The following N4BP1 variants were observed in gnomAD, a reference collection of about 807,000 sequenced individuals.
N4BP1 encodes the protein NEDD4 binding protein 1, also known as NEDD4-binding protein 1.
N4BP1 carries 21 observed loss-of-function variants against 70.9 expected under a neutral mutation model. That is an observed-to-expected ratio of 0.30 (90% CI 0.21 to 0.43). The LOEUF (loss-of-function observed/expected upper bound fraction) is 0.43, where lower values mean the gene tolerates loss of function less well. Among genes scored for constraint, N4BP1 ranks in the 20% least tolerant of loss-of-function variants. N4BP1 has a pLI of 1.00. For missense variants in N4BP1, 936 were observed against 1,069.4 expected (o/e 0.88, Z 1.74); for synonymous variants, 387 against 394.6 (o/e 0.98, Z 0.23).
intron 1 of N4BP1, among the ~76,000 whole-genome samples, chr16:48,608,098 C>G (rs1430344159): frequency 6.6e-6 from 1 of 152,058 alleles, no homozygotes; most frequent in Admixed American, 6.5e-5. Context: ...CTGTCTCAAA[C>G]AGAAAAAAAT....
intron 1 of N4BP1, among the ~76,000 whole-genome samples, chr16:48,595,627 T>C (rs1964401322): frequency 6.6e-6 from 1 of 152,206 alleles, no homozygotes; most frequent in South Asian, 2.1e-4. Flanking sequence ...GTGATATAGT[T>C]ATTTACATAA....
chr16:48,561,286 G>A lies in N4BP1; in HGVS notation c.1357C>T (p.Pro453Ser), dbSNP rs780962229. The change falls in exon 2 of 7, where the codon CCA becomes TCA. Residue 453 changes from proline (P) to serine (S), a missense_variant. By Grantham distance (74) the Pro-to-Ser change is moderately conservative. Around this residue, in one of 4 missense-constraint regions of N4BP1, gnomAD observed 515 missense variants for 491.7 expected, o/e 1.05. Transcript: ENST00000262384. ...TTAATTCTACAATTTGAGGTACATG[G>A]TTTAGCTTCCACTTTGAATGGTAAC... is the stretch of plus-strand genomic sequence containing the variant. The part of the protein sequence containing the change: ...SQLPFKVEAK[P>S]CTSNCRINTF... The A allele has an allele frequency of 3.1e-6, 5 of 1,613,842 alleles. No homozygotes were observed. In the South Asian group the frequency reaches 4.4e-5, roughly 14 times the overall value.
chr16:48,594,173 G>A (rs1455310341), intron 1 of N4BP1, among the ~76,000 whole-genome samples: 4 of 152,208 alleles, frequency 2.6e-5, no homozygotes, highest in African/African-American at 7.2e-5. Flanking sequence ...AGGTGGCGGA[G>A]GGGGTGGTGT....
intron 1 of N4BP1, among the ~76,000 whole-genome samples, chr16:48,578,623 T>C (rs952288013): frequency 6.6e-6 from 1 of 152,202 alleles, no homozygotes; most frequent in Non-Finnish European, 1.5e-5. Context: ...ACTCCTCTGT[T>C]ACAGTACCAA....
chr16:48,563,020 T>G (rs1963883694), intron 1 of N4BP1, among the ~76,000 whole-genome samples: 1 of 152,134 alleles, frequency 6.6e-6, no homozygotes, highest in South Asian at 2.1e-4. Flanking sequence ...CTATATCCTG[T>G]ATGATTTTCT....
chr16:48,561,138 T>C lies in N4BP1; in HGVS notation c.1505A>G (p.Lys502Arg), dbSNP rs1255384532. The C allele has an allele frequency of 3.1e-6, 5 of 1,614,000 alleles. No homozygotes were observed. The highest frequency in any genetic ancestry group is 2.2e-5 in the South Asian group (2 of 91,088). The change falls in exon 2 of 7, where the codon AAA becomes AGA. Residue 502 changes from lysine to arginine, a missense_variant. Around this residue, in one of 4 missense-constraint regions of N4BP1, gnomAD observed 515 missense variants for 491.7 expected, o/e 1.05. Transcript: ENST00000262384. ...TCCCCTTGAAACAAAATTGACTTCT[T>C]TGGGACTTGGAGAGGCAACAGAAGG... ...LSPSVASPSP[K>R]EVNFVSRGAS...
intron 1 of N4BP1, among the ~76,000 whole-genome samples, chr16:48,580,016 A>T (rs1446754968): frequency 4.6e-5 from 7 of 152,146 alleles, no homozygotes; most frequent in Non-Finnish European, 1.0e-4. Context: ...TGTAAGGAAC[A>T]TCAACACACC....
At chr16:48,590,634 G>A (rs8054882) in intron 1 of N4BP1, among the ~76,000 whole-genome samples, 4,419 of 152,288 alleles carry the variant, frequency 0.029, 201 homozygotes, top group African/African-American at 0.098. Flanking sequence ...TGTCTCTACC[G>A]ACAGGGCACT....
chr16:48,600,355 T>C (rs946296633), intron 1 of N4BP1: 40 of 783,734 alleles, frequency 5.1e-5, no homozygotes, highest in Non-Finnish European at 8.6e-5. Flanking sequence ...GAGCTTACAC[T>C]GGATAATTCA....
chr16:48,561,110 A>G lies in N4BP1; in HGVS notation c.1533T>C (p.Ala511=), dbSNP rs1390538388. 6.2e-7 allele frequency: 1 copy of G among 1,613,992 alleles called. No homozygotes were observed. The highest frequency in any genetic ancestry group is 8.5e-7 in the Non-Finnish European group (1 of 1,179,870). ...PKEVNFVSRG[A]SSHQPRVPLF... ...GTGGAACTCTGGGCTGGTGACTTGA[A>G]GCTCCCCTTGAAACAAAATTGACTT... Residue 511 remains alanine, a synonymous_variant, in exon 2 of 7, where the codon GCT becomes GCC. Coordinates refer to ENST00000262384, the MANE Select transcript of N4BP1 (RefSeq NM_153029.4).
intron 1 of N4BP1, among the ~76,000 whole-genome samples, chr16:48,585,592 G>A (rs1159836335): frequency 6.6e-6 from 1 of 150,532 alleles, no homozygotes; most frequent in Non-Finnish European, 1.5e-5. Context: ...AGACTGGAGT[G>A]CAGTGGTGTG....
At chr16:48,571,933 A>C (rs1234822951) in intron 1 of N4BP1, among the ~76,000 whole-genome samples, 1 of 152,062 alleles carries the variant, frequency 6.6e-6, no homozygotes, top group Non-Finnish European at 1.5e-5. Context: ...GGGTGAGGTC[A>C]CGAGCCTCTA....
chr16:48,553,701 AGTTTATTT>A (rs746107420), intron 2 of N4BP1, 32 bp from the exon 3 acceptor site: 1 of 1,502,914 alleles, frequency 6.7e-7, no homozygotes, highest in African/African-American at 1.4e-5. Flanking sequence ...AAATAAGTAA[AGTTTATTT>A]CTGTTTAAAG....
At chr16:48,607,191 G>C (rs1401492220) in intron 1 of N4BP1, among the ~76,000 whole-genome samples, 1 of 152,178 alleles carries the variant, frequency 6.6e-6, no homozygotes, top group African/African-American at 2.4e-5. Flanking sequence ...TTCCCAAACA[G>C]CTTGGCTAAA....
At chr16:48,563,560 C>T (rs567052869) in intron 1 of N4BP1, among the ~76,000 whole-genome samples, 22 of 152,002 alleles carry the variant, frequency 1.4e-4, no homozygotes, top group African/African-American at 5.1e-4. Context: ...TAATTTTGTA[C>T]GCTAGATGGG....
intron 1 of N4BP1, among the ~76,000 whole-genome samples, chr16:48,562,984 A>T (rs1264419933): frequency 1.6e-4 from 25 of 151,776 alleles, no homozygotes; most frequent in Admixed American, 9.8e-4. Flanking sequence ...TTAATAAAAA[A>T]TTTTTTTCCA....
chr16:48,579,256 T>G (rs1250434918), intron 1 of N4BP1, among the ~76,000 whole-genome samples: 1 of 152,324 alleles, frequency 6.6e-6, no homozygotes, highest in East Asian at 1.9e-4. Context: ...CCAGCCTAGT[T>G]ATCAATGATG....
intron 1 of N4BP1, among the ~76,000 whole-genome samples, chr16:48,603,042 T>A (rs2151103186): frequency 6.6e-6 from 1 of 152,220 alleles, no homozygotes; most frequent in Admixed American, 6.5e-5. Flanking sequence ...CAGGCTCTTC[T>A]AACTGAAAAG....
intron 1 of N4BP1, among the ~76,000 whole-genome samples, chr16:48,591,828 T>C (rs1964343554): frequency 6.6e-6 from 1 of 150,870 alleles, no homozygotes; most frequent in South Asian, 2.1e-4. Flanking sequence ...GAGTTGAAAG[T>C]GGATAGATCG....
Sources: allele counts gnomAD v4.1 joint callset (sites outside exome capture counted in the v4.1 genomes callset), GRCh38; gene constraint gnomAD v4.1.1; regional missense constraint gnomAD v4.1.1; transcripts MANE v1.5; gene names NCBI Gene and HGNC (gene_info 2026-07-23, HGNC 2026-07-21).